The following ZNF516 variants were observed in gnomAD, a reference collection of about 807,000 sequenced individuals.
ZNF516 encodes zinc finger protein 516.
Under a neutral mutation model 79.7 loss-of-function variants are expected in ZNF516, and 19 were observed. That is an observed-to-expected ratio of 0.24 (90% CI 0.17 to 0.35). ZNF516 has a LOEUF of 0.35. Among genes scored for constraint, ZNF516 ranks in the 10% least tolerant of loss-of-function variants. The pLI, the probability that ZNF516 is intolerant of heterozygous loss-of-function variation, is 1.00. For missense variants in ZNF516, 1,678 were observed against 1,679.5 expected (o/e 1.00, Z 0.02); for synonymous variants, 877 against 739.5 (o/e 1.19, Z -3.02).
At chr18:76,391,615 C>T (rs1287076237) in intron 3 of ZNF516, among the ~76,000 whole-genome samples, 1 of 152,210 alleles carries the variant, frequency 6.6e-6, no homozygotes, top group African/African-American at 2.4e-5. Flanking sequence ...TGCACAGCCC[C>T]ATCCCAGACA....
At position 76,451,202 on chromosome 18, in the gene ZNF516, TC is replaced by T. The variant is rs1418811706; in HGVS notation, c.-157-7992del. On this transcript the variant is annotated intron_variant, in intron 2 of 6. Transcript: ENST00000443185. The surrounding 1 kb of genome is among the most constrained non-coding windows in gnomAD (Gnocchi z 6.0). ...TATCTAGCTTGGCATTTTTTTCAGTTCTGGTTCATGAATTAACCTTATCGCG... is the reference window on the plus strand; with the variant it reads ...TATCTAGCTTGGCATTTTTTTCAGTTTGGTTCATGAATTAACCTTATCGCG... Among the ~76,000 whole-genome samples, 3 of 152,186 alleles carry T rather than the reference TC, an allele frequency of 2.0e-5. No homozygotes were observed. Among genetic ancestry groups the T allele is most frequent in the Non-Finnish European group, 4.4e-5 (3 of 68,028 alleles).
rs190644049 is a variant in ZNF516, at chr18:76,437,237, G to A, written c.1810+4008C>T. On this transcript the variant is annotated intron_variant, in intron 3 of 6. Coordinates refer to ENST00000443185, the MANE Select transcript of ZNF516 (RefSeq NM_014643.4). ...TTCCTCACAGCCAGCGCACCAGCACGGACAGCCAGCCAGCCTCCAAGCACG... is the reference window on the plus strand; with the variant it reads ...TTCCTCACAGCCAGCGCACCAGCACAGACAGCCAGCCAGCCTCCAAGCACG... Among the ~76,000 whole-genome samples the A allele has an allele frequency of 4.4e-4, 67 of 152,256 alleles. 1 individual carries two copies. The East Asian group carries it at 0.012, about 28-fold the overall frequency.
chr18:76,435,784 G>A (rs186302316), intron 3 of ZNF516, among the ~76,000 whole-genome samples: 57 of 152,342 alleles, frequency 3.7e-4, no homozygotes, highest in East Asian at 3.5e-3. Flanking sequence ...AGGGCACACC[G>A]TGCCAGCTCT....
rs776282815 is a variant in ZNF516 at position 76,480,528 on chromosome 18, TA to T, written c.-272+14615del. Among the ~76,000 whole-genome samples the T allele has an allele frequency of 4.4e-3, 400 of 90,800 alleles. 3 individuals carry two copies. The highest frequency in any genetic ancestry group is 7.2e-3 in the African/African-American group (165 of 22,762). 59.6% of individuals were successfully genotyped at this position (90,800 alleles called of 152,430 possible). A position where few individuals can be genotyped will look rare whatever the true frequency, so the allele number is the denominator to read the frequency against. ...ACACACACACACACACACACACATA[TA>T]TTTTTTTTTTTGAGACGGAGTCTTG... On this transcript the variant is annotated intron_variant, in intron 1 of 6. Coordinates refer to ENST00000443185, the MANE Select transcript of ZNF516 (RefSeq NM_014643.4).
intron 1 of ZNF516, among the ~76,000 whole-genome samples, chr18:76,487,524 C>G (rs1914898248): frequency 1.3e-5 from 2 of 152,150 alleles, no homozygotes; most frequent in South Asian, 4.1e-4. Context: ...AGGAGACATT[C>G]TAAAGTCATA....
chr18:76,462,090 CT>C (rs1410909401), intron 2 of ZNF516, among the ~76,000 whole-genome samples: 2 of 152,328 alleles, frequency 1.3e-5, no homozygotes, highest in African/African-American at 4.8e-5. Context: ...CAGCATCTAC[CT>C]TTTTTTCAAA....
chr18:76,492,873 G>A (rs1915316584), intron 1 of ZNF516: 1 of 985,726 alleles, frequency 1.0e-6, no homozygotes, highest in Non-Finnish European at 1.2e-6. Context: ...TCGAATAAAA[G>A]CGTGTCCACG....
At chr18:76,385,327 G>A (rs1298449102) in intron 3 of ZNF516, among the ~76,000 whole-genome samples, 2 of 152,170 alleles carry the variant, frequency 1.3e-5, no homozygotes, top group Non-Finnish European at 2.9e-5. Flanking sequence ...GTTTCACACG[G>A]GGCCCAGGGA....
At chr18:76,448,909 G>A (rs1685692230) in intron 2 of ZNF516, among the ~76,000 whole-genome samples, 1 of 152,196 alleles carries the variant, frequency 6.6e-6, no homozygotes, top group African/African-American at 2.4e-5. Context: ...GGCCAGGAGG[G>A]AAGCGATTCA....
intron 3 of ZNF516, among the ~76,000 whole-genome samples, chr18:76,440,219 C>T (rs957178209): frequency 5.9e-5 from 9 of 152,152 alleles, no homozygotes. Flanking sequence ...GTGTAAGACG[C>T]TAATAAACTC....
intron 1 of ZNF516, among the ~76,000 whole-genome samples, chr18:76,463,572 G>A (rs1006435566): frequency 6.6e-6 from 1 of 152,232 alleles, no homozygotes; most frequent in Non-Finnish European, 1.5e-5. Flanking sequence ...GAAATGCCAG[G>A]CCCCTGGGTG....
chr18:76,487,555 C>T (rs1445492550), intron 1 of ZNF516, among the ~76,000 whole-genome samples: 1 of 152,164 alleles, frequency 6.6e-6, no homozygotes, highest in Non-Finnish European at 1.5e-5. Flanking sequence ...TTCTTTCTTC[C>T]TCCTCCTCCC....
intron 1 of ZNF516, among the ~76,000 whole-genome samples, chr18:76,491,446 C>A (rs1390428319): frequency 1.4e-5 from 2 of 140,398 alleles, no homozygotes; most frequent in Non-Finnish European, 3.2e-5. Flanking sequence ...CCCGCACAGA[C>A]CCCCGCCTTT....
At chr18:76,385,745 C>G (rs1022970206) in intron 3 of ZNF516, 5 of 152,106 alleles carry the variant, frequency 3.3e-5, no homozygotes, top group Non-Finnish European at 7.3e-5. Context: ...TGCTGAAGAA[C>G]CGGGCCCTGC....
intron 3 of ZNF516, among the ~76,000 whole-genome samples, chr18:76,390,932 C>A (rs1047133540): frequency 3.3e-5 from 5 of 152,092 alleles, no homozygotes; most frequent in African/African-American, 9.7e-5. Flanking sequence ...TATCTAAGGC[C>A]ATCAGGCTGA....
intron 3 of ZNF516, among the ~76,000 whole-genome samples, chr18:76,429,212 T>C (rs2075631961): frequency 6.6e-6 from 1 of 152,206 alleles, no homozygotes; most frequent in Admixed American, 6.5e-5. Context: ...AAGATGCAGA[T>C]GGCACCCAGG....
chr18:76,413,459 AG>A (rs2075396442), intron 3 of ZNF516, among the ~76,000 whole-genome samples: 1 of 152,232 alleles, frequency 6.6e-6, no homozygotes, highest in Non-Finnish European at 1.5e-5. Context: ...GCTAGGACTA[AG>A]GAAGAGAAAA....
chr18:76,413,123 G>A (rs1274012895), intron 3 of ZNF516, among the ~76,000 whole-genome samples: 2 of 152,192 alleles, frequency 1.3e-5, no homozygotes, highest in Non-Finnish European at 2.9e-5. Flanking sequence ...ACGTACTGCT[G>A]AAAATGCCAT....
chr18:76,419,200 G>A (rs2075475168), intron 3 of ZNF516, among the ~76,000 whole-genome samples: 1 of 152,236 alleles, frequency 6.6e-6, no homozygotes, highest in South Asian at 2.1e-4. Flanking sequence ...ACACGAGGCT[G>A]TATACACGTG....
Sources: gnomAD v4.1 joint callset for allele counts (sites outside exome capture counted in the v4.1 genomes callset) on GRCh38, gnomAD v4.1.1 for gene constraint, Gnocchi (gnomAD v3.1) non-coding constraint, MANE v1.5 for transcripts, NCBI Gene and HGNC (gene_info 2026-07-23, HGNC 2026-07-21) for gene names.